Variants in DPP6 observed in about 807,000 individuals in gnomAD.
DPP6 encodes the protein dipeptidyl peptidase like 6.
Under a neutral mutation model 122.6 loss-of-function variants are expected in DPP6, and 69 were observed. The ratio of observed to expected loss-of-function variants is 0.56; its 90% CI spans 0.46 to 0.69. The LOEUF is 0.69. Among genes scored for constraint, DPP6 ranks in the 30% least tolerant of loss-of-function variants. DPP6 has a pLI of 0.00. For missense variants in DPP6, 928 were observed against 1,116.9 expected (o/e 0.83, Z 2.41); for synonymous variants, 418 against 433.1 (o/e 0.97, Z 0.43).
rs139701384 is a variant in DPP6, at chr7:154,510,888, GCTCT to G, written c.458-29629_458-29626del. Among the ~76,000 whole-genome samples, 512 of 147,172 alleles carry G rather than the reference GCTCT, an allele frequency of 3.5e-3. 1 individual carries two copies. In the East Asian group the frequency reaches 0.045, roughly 13 times the overall value. On this transcript the variant is annotated intron_variant, in intron 3 of 25. Transcript: ENST00000377770. ...TGCTTGCTCTTGCTCTCACTCTCGT[GCTCT>G]CTCTCTCTCTCTCTATGACTCTCTT...
At chr7:153,921,917 C>T (rs901004813) in intron 1 of DPP6, among the ~76,000 whole-genome samples, 1 of 152,220 alleles carries the variant, frequency 6.6e-6, no homozygotes, top group Non-Finnish European at 1.5e-5. Context: ...GCTGACACAC[C>T]CAGCTGTGCA....
intron 5 of DPP6, among the ~76,000 whole-genome samples, chr7:154,616,596 G>A (rs145543584): frequency 1.8e-4 from 28 of 152,220 alleles, no homozygotes; most frequent in East Asian, 7.7e-4. Flanking sequence ...GGGCGCGAGC[G>A]AATCCCCAAG....
At chr7:154,861,509 G>A (rs6954087) in intron 17 of DPP6, among the ~76,000 whole-genome samples, 23,803 of 151,868 alleles carry the variant, frequency 0.16, 2,333 homozygotes, top group East Asian at 0.47. Flanking sequence ...TTGTCCGCCC[G>A]TCACCCCAGA....
Position 154,700,746 on chromosome 7 carries a change from A to G in DPP6, c.763-27021A>G, listed in dbSNP as rs549813408. Among the ~76,000 whole-genome samples, 7 of 151,534 alleles carry G rather than the reference A, an allele frequency of 4.6e-5. No individual in the cohort carries two copies. The East Asian group carries it at 1.2e-3, about 25-fold the overall frequency. ...GAACCCCATCACACACACAGACCTCATCTGTCCAGGTAAATGAGATTCTCA... is the reference window on the plus strand; with the variant it reads ...GAACCCCATCACACACACAGACCTCGTCTGTCCAGGTAAATGAGATTCTCA... On this transcript the variant is annotated intron_variant, in intron 7 of 25. Transcript: ENST00000377770.
At chr7:153,835,781 A>G in the DPP6 span, among the ~76,000 whole-genome samples, 1 of 152,194 alleles carries the variant, frequency 6.6e-6, no homozygotes, top group Non-Finnish European at 1.5e-5. Context: ...GAGCAGCCAA[A>G]AGGGAAAGGG....
chr7:153,992,050 T>C (rs1316703407), intron 1 of DPP6, among the ~76,000 whole-genome samples: 2 of 152,106 alleles, frequency 1.3e-5, no homozygotes, highest in African/African-American at 4.8e-5. Context: ...TGCAACCCCA[T>C]TTTTTTAATA....
chr7:154,883,357 CAT>C (rs1201024558), intron 21 of DPP6, among the ~76,000 whole-genome samples: 15 of 150,104 alleles, frequency 1.0e-4, no homozygotes, highest in African/African-American at 3.2e-4. Context: ...CATACACACA[CAT>C]GCTCACACAC....
chr7:154,755,907 G>A lies in DPP6; in HGVS notation c.884-13510G>A, dbSNP rs940722366. The stretch of plus-strand genomic sequence containing the variant: ...TTCGTAATGATACTGTCCTCACCAC[G>A]TCTTTTTATTATGAAAAGGAAGAGT... On this transcript the variant is annotated intron_variant, in intron 8 of 25. Coordinates refer to ENST00000377770, the MANE Select transcript of DPP6 (RefSeq NM_130797.4). This position sits in a 1 kb window ranked among gnomAD's most constrained non-coding sequence, Gnocchi z 4.7. Among the ~76,000 whole-genome samples, 5 of 152,148 alleles carry A rather than the reference G, an allele frequency of 3.3e-5. No individual in the cohort carries two copies. The highest frequency in any genetic ancestry group is 9.7e-5 in the African/African-American group (4 of 41,414).
chr7:154,841,368 C>T (rs7789429), intron 16 of DPP6, among the ~76,000 whole-genome samples: 1 of 150,150 alleles, frequency 6.7e-6, no homozygotes, highest in Non-Finnish European at 1.5e-5. Flanking sequence ...CCTTTGCCCC[C>T]CTGCAGGCTT....
At chr7:154,645,825 A>G (rs1297291928) in intron 6 of DPP6, among the ~76,000 whole-genome samples, 2 of 151,978 alleles carry the variant, frequency 1.3e-5, no homozygotes, top group Non-Finnish European at 2.9e-5. Flanking sequence ...TCAGGAGATC[A>G]AGACCAGCCT....
intron 1 of DPP6, among the ~76,000 whole-genome samples, chr7:154,383,137 A>G (rs1293814298): frequency 6.6e-6 from 1 of 152,238 alleles, no homozygotes; most frequent in Non-Finnish European, 1.5e-5. Context: ...AACATAATTC[A>G]CAGACTACAG....
intron 1 of DPP6, among the ~76,000 whole-genome samples, chr7:153,974,228 T>C (rs988448639): frequency 6.6e-6 from 1 of 152,146 alleles, no homozygotes; most frequent in Non-Finnish European, 1.5e-5. Context: ...CACTTGCACC[T>C]TTTGTAGTAA....
chr7:154,584,776 A>G (rs1832325045), intron 5 of DPP6, among the ~76,000 whole-genome samples: 1 of 152,236 alleles, frequency 6.6e-6, no homozygotes, highest in African/African-American at 2.4e-5. Context: ...CTTTGCAGCC[A>G]GTCGCTACGA....
intron 1 of DPP6, among the ~76,000 whole-genome samples, chr7:154,022,728 T>G (rs1273848712): frequency 6.6e-6 from 1 of 152,110 alleles, no homozygotes; most frequent in African/African-American, 2.4e-5. Context: ...CATTGCATAG[T>G]CTGGAAAAAG....
At chr7:154,381,680 G>T (rs1411633267) in intron 1 of DPP6, among the ~76,000 whole-genome samples, 1 of 152,192 alleles carries the variant, frequency 6.6e-6, no homozygotes, top group East Asian at 1.9e-4. Flanking sequence ...AACATAAAAA[G>T]ATAATTATAG....
chr7:154,196,072 A>T (rs1798851635), intron 1 of DPP6, among the ~76,000 whole-genome samples: 1 of 152,118 alleles, frequency 6.6e-6, no homozygotes. Flanking sequence ...TTTTCGCTCC[A>T]TCGGATAGAA....
intron 7 of DPP6, among the ~76,000 whole-genome samples, chr7:154,674,477 T>A (rs1421012329): frequency 6.6e-6 from 1 of 152,160 alleles, no homozygotes; most frequent in Non-Finnish European, 1.5e-5. Flanking sequence ...TGGTGCATCA[T>A]CACGTTTTCC....
At chr7:153,942,261 C>T (rs1387211975) in intron 1 of DPP6, among the ~76,000 whole-genome samples, 1 of 152,234 alleles carries the variant, frequency 6.6e-6, no homozygotes, top group Non-Finnish European at 1.5e-5. Context: ...CCATCCTTCC[C>T]AGGGCTGGAT....
At chr7:154,198,016 A>T (rs1798957632) in intron 1 of DPP6, among the ~76,000 whole-genome samples, 1 of 152,168 alleles carries the variant, frequency 6.6e-6, no homozygotes, top group Non-Finnish European at 1.5e-5. Context: ...CAGGGAGCAG[A>T]ACCATTTTGG....
Sources: allele counts gnomAD v4.1 joint callset (sites outside exome capture counted in the v4.1 genomes callset), GRCh38; gene constraint gnomAD v4.1.1; non-coding constraint Gnocchi (gnomAD v3.1); transcripts MANE v1.5; gene names NCBI Gene and HGNC (gene_info 2026-07-23, HGNC 2026-07-21).